Variants in BACH2 observed in about 807,000 individuals in gnomAD.
The protein encoded by BACH2 is BACH transcriptional regulator 2.
BACH2 carries 5 observed loss-of-function variants against 61.8 expected under a neutral mutation model. The ratio of observed to expected loss-of-function variants is 0.08; its 90% CI spans 0.04 to 0.17. The LOEUF (loss-of-function observed/expected upper bound fraction) is 0.17, where lower values mean the gene tolerates loss of function less well. Among genes scored for constraint, BACH2 ranks in the 10% least tolerant of loss-of-function variants. The pLI is 1.00. For missense variants in BACH2, 824 were observed against 1,091.1 expected (o/e 0.76, Z 3.45); for synonymous variants, 446 against 440.1 (o/e 1.01, Z -0.17).
At chr6:90,222,883 C>T (rs1281555396) in intron 3 of BACH2, among the ~76,000 whole-genome samples, 3 of 152,012 alleles carry the variant, frequency 2.0e-5, no homozygotes, top group Admixed American at 6.6e-5. Context: ...CTTAGTCATC[C>T]TCTGTCACCT....
intron 3 of BACH2, among the ~76,000 whole-genome samples, chr6:90,229,959 A>T (rs1770041367): frequency 6.6e-6 from 1 of 152,182 alleles, no homozygotes; most frequent in South Asian, 2.1e-4. Context: ...TAACCCTGGT[A>T]TTCCATCTGA....
intron 5 of BACH2, among the ~76,000 whole-genome samples, chr6:90,054,877 C>T (rs1025180884): frequency 2.6e-5 from 4 of 152,230 alleles, no homozygotes; most frequent in Non-Finnish European, 4.4e-5. Context: ...TGGAGTGGAC[C>T]TCTAGCAAAC....
intron 5 of BACH2, among the ~76,000 whole-genome samples, chr6:90,075,565 C>T (rs1013120461): frequency 2.6e-5 from 4 of 151,958 alleles, no homozygotes; most frequent in South Asian, 2.1e-4. Flanking sequence ...AAATAAATTA[C>T]GATACCCTGA....
intron 2 of BACH2, among the ~76,000 whole-genome samples, chr6:90,262,289 C>A (rs1771184303): frequency 6.6e-6 from 1 of 152,190 alleles, no homozygotes; most frequent in South Asian, 2.1e-4. Context: ...CCTGCCCTAA[C>A]TGGGGGAATC....
At chr6:90,091,908 A>G (rs963242591) in intron 4 of BACH2, among the ~76,000 whole-genome samples, 26 of 152,162 alleles carry the variant, frequency 1.7e-4, no homozygotes, top group African/African-American at 6.3e-4. Flanking sequence ...TTTTCCTGAT[A>G]ATTAGGTGTC....
At chr6:90,047,858 T>C (rs989969167) in intron 5 of BACH2, among the ~76,000 whole-genome samples, 2 of 152,134 alleles carry the variant, frequency 1.3e-5, no homozygotes, top group African/African-American at 4.8e-5. Context: ...TCCTAGACAA[T>C]TGATTCTCAA....
intron 2 of BACH2, among the ~76,000 whole-genome samples, chr6:90,257,838 C>A (rs536855682): frequency 6.6e-6 from 1 of 152,104 alleles, no homozygotes; most frequent in Non-Finnish European, 1.5e-5. Flanking sequence ...TGCAGTGGCG[C>A]CATCTCGGCT....
rs75687018 is a variant in BACH2 at position 90,192,069 on chromosome 6, A to C, written c.-162+14500T>G. Among the ~76,000 whole-genome samples, 118 of 152,338 alleles carry C rather than the reference A, an allele frequency of 7.7e-4. 1 individual carries two copies. In the East Asian group the frequency reaches 0.019, roughly 24 times the overall value. ...TGGTGGGTTTTAAGTCTTTAGGTAA[A>C]AACTGTGTTTTAAAGTAACAGAACA... is the stretch of plus-strand genomic sequence containing the variant. On this transcript the variant is annotated intron_variant, in intron 4 of 8. Transcript: ENST00000257749.
intron 4 of BACH2, among the ~76,000 whole-genome samples, chr6:90,175,558 T>G (rs893369400): frequency 3.9e-5 from 6 of 151,980 alleles, no homozygotes; most frequent in African/African-American, 1.4e-4. Context: ...AGAGAATTTT[T>G]CAAAATTCTC....
chr6:90,088,370 C>G (rs1443921012), intron 5 of BACH2, among the ~76,000 whole-genome samples: 1 of 152,094 alleles, frequency 6.6e-6, no homozygotes, highest in East Asian at 1.9e-4. Flanking sequence ...TGTTGAAAAC[C>G]AGGGGCAAAG....
At chr6:90,181,561 CAT>C (rs1481483541) in intron 4 of BACH2, among the ~76,000 whole-genome samples, 6 of 151,718 alleles carry the variant, frequency 4.0e-5, no homozygotes, top group African/African-American at 1.5e-4. Context: ...TATAATATTA[CAT>C]GTTTAAATTT....
At chr6:90,143,678 T>C (rs1784533157) in intron 4 of BACH2, among the ~76,000 whole-genome samples, 1 of 152,172 alleles carries the variant, frequency 6.6e-6, no homozygotes, top group African/African-American at 2.4e-5. Context: ...TAGAATGTGC[T>C]TCTCCTCTTT....
intron 4 of BACH2, among the ~76,000 whole-genome samples, chr6:90,136,488 T>C (rs1490665772): frequency 6.6e-6 from 1 of 152,156 alleles, no homozygotes; most frequent in Non-Finnish European, 1.5e-5. Flanking sequence ...TTGATAAGGA[T>C]TCAATATATA....
At chr6:90,096,496 C>CA (rs1304740526) in intron 4 of BACH2, among the ~76,000 whole-genome samples, 1 of 152,236 alleles carries the variant, frequency 6.6e-6, no homozygotes, top group Non-Finnish European at 1.5e-5. Flanking sequence ...GTAAGACCCA[C>CA]AGCAGCAGGG....
At chr6:90,043,750 T>A (rs893770544) in intron 5 of BACH2, among the ~76,000 whole-genome samples, 5 of 152,150 alleles carry the variant, frequency 3.3e-5, no homozygotes, top group African/African-American at 1.2e-4. Context: ...CACCTGCTCA[T>A]CCTTCAAGAA....
At chr6:90,203,375 CCT>C (rs1194662801) in intron 4 of BACH2, among the ~76,000 whole-genome samples, 7 of 123,742 alleles carry the variant, frequency 5.7e-5, no homozygotes, top group Non-Finnish European at 9.9e-5. Flanking sequence ...AGAGCAAGAC[CCT>C]CTCTCTCTCT....
chr6:90,216,489 A>G (rs1017899784), intron 3 of BACH2, among the ~76,000 whole-genome samples: 2 of 152,116 alleles, frequency 1.3e-5, no homozygotes, highest in Non-Finnish European at 2.9e-5. Context: ...TTCCTCTTAA[A>G]CAGCACTGGG....
chr6:90,196,481 T>C (rs1283768845), intron 4 of BACH2, among the ~76,000 whole-genome samples: 1 of 152,236 alleles, frequency 6.6e-6, no homozygotes, highest in Non-Finnish European at 1.5e-5. Context: ...TTGTTTAATA[T>C]TCCTTTTCTT....
chr6:90,067,910 A>G (rs1781040733), intron 5 of BACH2, among the ~76,000 whole-genome samples: 1 of 152,110 alleles, frequency 6.6e-6, no homozygotes, highest in Admixed American at 6.5e-5. Context: ...TAGATGCTCA[A>G]TGTTTATTAA....
Sources: gnomAD v4.1 joint callset for allele counts (sites outside exome capture counted in the v4.1 genomes callset) on GRCh38, gnomAD v4.1.1 for gene constraint, MANE v1.5 for transcripts, NCBI Gene and HGNC (gene_info 2026-07-23, HGNC 2026-07-21) for gene names.